The following NAALADL2 variants were observed in gnomAD, a reference collection of about 807,000 sequenced individuals.
The protein encoded by NAALADL2 is N-acetylated alpha-linked acidic dipeptidase like 2, also known as inactive N-acetylated-alpha-linked acidic dipeptidase-like protein 2.
A neutral mutation model predicts 87.2 loss-of-function variants in NAALADL2; 76 were observed. The ratio of observed to expected loss-of-function variants is 0.87; its 90% confidence interval spans 0.72 to 1.05. The LOEUF (loss-of-function observed/expected upper bound fraction) is 1.05. Among genes scored for constraint, NAALADL2 ranks in the 50% least tolerant of loss-of-function variants. The probability of loss-of-function intolerance (pLI) is 0.00; values close to 1 mark genes in which losing one functional copy is unlikely to be tolerated. For missense variants in NAALADL2, 1,089 were observed against 945.8 expected (o/e 1.15, Z -1.99); for synonymous variants, 354 against 331.0 (o/e 1.07, Z -0.75).
At chr3:174,979,955 A>G (rs760702949) in intron 1 of NAALADL2, among the ~76,000 whole-genome samples, 28 of 152,028 alleles carry the variant, frequency 1.8e-4, no homozygotes, top group African/African-American at 2.9e-4. Flanking sequence ...CACATCCCCA[A>G]AAGCCCTTTA....
chr3:174,604,219 A>C (rs1718748983), intron 2 of NAALADL2, among the ~76,000 whole-genome samples: 1 of 152,148 alleles, frequency 6.6e-6, no homozygotes, highest in Admixed American at 6.5e-5. Context: ...AGCTCTAATA[A>C]TATTTACTTT....
intron 2 of NAALADL2, among the ~76,000 whole-genome samples, chr3:174,608,416 C>T (rs1719377155): frequency 1.3e-5 from 2 of 151,602 alleles, no homozygotes; most frequent in Admixed American, 1.3e-4. Flanking sequence ...TGATAGACCG[C>T]TAGCAAGACT....
intron 1 of NAALADL2, among the ~76,000 whole-genome samples, chr3:174,932,926 T>G (rs532566214): frequency 3.3e-5 from 5 of 152,322 alleles, no homozygotes; most frequent in African/African-American, 1.2e-4. Context: ...GAGACCAGCC[T>G]GACCAACATG....
chr3:175,718,654 C>G (rs1279680512), intron 11 of NAALADL2: 17 of 1,581,602 alleles, frequency 1.1e-5, no homozygotes, highest in Non-Finnish European at 1.5e-5. Context: ...CTCCCGAGCC[C>G]GTGGTGGCTG....
intron 4 of NAALADL2, among the ~76,000 whole-genome samples, chr3:175,318,796 C>T (rs1046621295): frequency 6.6e-6 from 1 of 152,146 alleles, no homozygotes; most frequent in African/African-American, 2.4e-5. Context: ...AACTACTCTC[C>T]CCAACCGCTC....
At chr3:175,724,139 C>A (rs557931881) in intron 11 of NAALADL2, among the ~76,000 whole-genome samples, 1 of 152,152 alleles carries the variant, frequency 6.6e-6, no homozygotes, top group South Asian at 2.1e-4. Context: ...AGATAAATAT[C>A]GCTCAGATAA....
At chr3:174,640,532 T>C (rs2108728007) in intron 2 of NAALADL2, among the ~76,000 whole-genome samples, 1 of 152,246 alleles carries the variant, frequency 6.6e-6, no homozygotes, top group South Asian at 2.1e-4. Flanking sequence ...ACTTCTGCCC[T>C]CCTCTCCTCT....
At chr3:174,785,791 A>G (rs1318529404) in intron 3 of NAALADL2, among the ~76,000 whole-genome samples, 1 of 152,158 alleles carries the variant, frequency 6.6e-6, no homozygotes, top group African/African-American at 2.4e-5. Context: ...AATTGAAACT[A>G]AGTGTTTATG....
rs1560476103 is a variant in NAALADL2, at chr3:175,013,284, TATATATATATATATA to T, written c.44-83505_44-83491del. Among the ~76,000 whole-genome samples the T allele has an allele frequency of 6.3e-4, 49 of 77,568 alleles. 2 individuals are homozygous for T. Among genetic ancestry groups the T allele is most frequent in the African/African-American group, 3.4e-3 (48 of 14,194 alleles). The allele number at this position is 77,568 out of a possible 152,430, so 50.9% of individuals were successfully genotyped here. A position where few individuals can be genotyped will look rare whatever the true frequency, so the allele number is the denominator to read the frequency against. ...ATATATTTTTATATATATACATATATATATATATATATATATATTTTTTTTTTTTTTTGAGACAGG... is the reference window on the plus strand; with the variant it reads ...ATATATTTTTATATATATACATATATTATTTTTTTTTTTTTTTGAGACAGG... On this transcript the variant is annotated intron_variant, in intron 1 of 13. Coordinates refer to ENST00000454872, the MANE Select transcript of NAALADL2 (RefSeq NM_207015.3).
chr3:174,860,049 C>T (rs1447166291), intron 1 of NAALADL2, among the ~76,000 whole-genome samples: 1 of 152,028 alleles, frequency 6.6e-6, no homozygotes, highest in Non-Finnish European at 1.5e-5. Context: ...GACTAGGCAT[C>T]TCTGGTTAGA....
At chr3:175,147,592 G>A (rs886738182) in intron 2 of NAALADL2, among the ~76,000 whole-genome samples, 2 of 2,698 alleles carry the variant, frequency 7.4e-4, no homozygotes, top group South Asian at 0.011. Flanking sequence ...TTTATTTTTG[G>A]GGGGGGTATA....
At chr3:175,377,967 A>T (rs1198536171) in intron 5 of NAALADL2, among the ~76,000 whole-genome samples, 1 of 152,094 alleles carries the variant, frequency 6.6e-6, no homozygotes, top group African/African-American at 2.4e-5. Context: ...CCATCATTCA[A>T]ATCATTCCTG....
chr3:175,086,422 A>G (rs1015428894), intron 1 of NAALADL2, among the ~76,000 whole-genome samples: 1 of 152,164 alleles, frequency 6.6e-6, no homozygotes, highest in Non-Finnish European at 1.5e-5. Context: ...GAAACAAAAA[A>G]AAAGAAACGG....
intron 2 of NAALADL2, among the ~76,000 whole-genome samples, chr3:174,641,733 CT>C (rs1578402326): frequency 6.7e-6 from 1 of 149,190 alleles, no homozygotes; most frequent in Non-Finnish European, 1.5e-5. Context: ...CAAATAGTGA[CT>C]TTCTCAAGGA....
At chr3:174,466,387 C>A (rs1432580854) in intron 1 of NAALADL2, among the ~76,000 whole-genome samples, 1 of 151,740 alleles carries the variant, frequency 6.6e-6, no homozygotes, top group Non-Finnish European at 1.5e-5. Context: ...AAGATTGGAC[C>A]CCCCCTGGGT....
chr3:174,753,033 GTGTGTTT>G (rs1403707623), intron 3 of NAALADL2, among the ~76,000 whole-genome samples: 1 of 152,152 alleles, frequency 6.6e-6, no homozygotes, highest in Non-Finnish European at 1.5e-5. Flanking sequence ...ATTTGTGCAT[GTGTGTTT>G]TGTGTACGTA....
chr3:175,218,716 C>G (rs1355532017), intron 2 of NAALADL2, among the ~76,000 whole-genome samples: 1 of 151,998 alleles, frequency 6.6e-6, no homozygotes, highest in Non-Finnish European at 1.5e-5. Context: ...ATCTGTGAGA[C>G]TTATCCATGG....
chr3:175,192,736 G>T (rs1036786531), intron 2 of NAALADL2, among the ~76,000 whole-genome samples: 1 of 151,824 alleles, frequency 6.6e-6, no homozygotes, highest in Non-Finnish European at 1.5e-5. Flanking sequence ...AACCATTTCC[G>T]TTGGCTCCTA....
chr3:174,558,678 A>G (rs954587810), intron 2 of NAALADL2, among the ~76,000 whole-genome samples: 2 of 152,114 alleles, frequency 1.3e-5, no homozygotes, highest in African/African-American at 4.8e-5. Context: ...GGCTGTAAAT[A>G]CAGATGAAGC....
Sources: gnomAD v4.1 joint callset for allele counts (sites outside exome capture counted in the v4.1 genomes callset) on GRCh38, gnomAD v4.1.1 for gene constraint, MANE v1.5 for transcripts, NCBI Gene and HGNC (gene_info 2026-07-23, HGNC 2026-07-21) for gene names.